The following GALNT10 variants were observed in gnomAD, a reference collection of about 807,000 sequenced individuals.
GALNT10 encodes the protein GalNAc transferase 10.
Under a neutral mutation model 75.0 loss-of-function variants are expected in GALNT10, and 41 were observed. The observed-to-expected ratio is 0.55, with a 90% CI of 0.43 to 0.71. GALNT10 has a LOEUF of 0.71. GALNT10 is among the 30% of genes least tolerant of loss of function. The probability of loss-of-function intolerance (pLI) is 0.00; values close to 1 mark genes in which losing one functional copy is unlikely to be tolerated. For synonymous variants in GALNT10, 302 were observed against 313.0 expected, an observed-to-expected ratio of 0.96 and a Z score of 0.37; for missense variants, 727 against 818.5, an observed-to-expected ratio of 0.89 and a Z score of 1.36.
intron 1 of GALNT10, among the ~76,000 whole-genome samples, chr5:154,207,029 G>A (rs915339002): frequency 1.3e-5 from 2 of 152,198 alleles, no homozygotes; most frequent in African/African-American, 4.8e-5. Flanking sequence ...CAGCCTTTGA[G>A]CTTAAGGAAT....
chr5:154,330,906 AGG>A lies in GALNT10; in HGVS notation c.568+1170_568+1171del, dbSNP rs1554099022. On this transcript the variant is annotated intron_variant, in intron 4 of 11. Coordinates refer to ENST00000297107, the MANE Select transcript of GALNT10 (RefSeq NM_198321.4). ...GTACAGAGGCCTCAGAGAGACAGAG[AGG>A]GTGTGTGTGTGTGTGTGTGTGTGTG... Among the ~76,000 whole-genome samples the A allele has an allele frequency of 2.7e-3, 232 of 87,418 alleles. 2 individuals carry two copies. The highest frequency in any genetic ancestry group is 2.6e-3 in the African/African-American group (36 of 13,688). 57.3% of individuals were successfully genotyped at this position (87,418 alleles called of 152,430 possible). A position where few individuals can be genotyped will look rare whatever the true frequency, so the allele number is the denominator to read the frequency against.
In GALNT10 at chr5:154,312,744, G is replaced by T. The variant is rs371587059; in HGVS notation, c.401+14665G>T. Among the ~76,000 whole-genome samples the T allele has an allele frequency of 1.5e-4, 23 of 152,226 alleles. No individual in the cohort carries two copies. In the East Asian group the frequency reaches 4.4e-3, roughly 29 times the overall value. On this transcript the variant is annotated intron_variant, in intron 3 of 11. Coordinates refer to ENST00000297107, the MANE Select transcript of GALNT10 (RefSeq NM_198321.4). ...TATTTCTTCTTTTCTCCTCTTTTAT[G>T]AATCATCAAGAAACTTGATATTAAA...
intron 1 of GALNT10, among the ~76,000 whole-genome samples, chr5:154,263,194 C>G (rs1753726487): frequency 6.6e-6 from 1 of 152,162 alleles, no homozygotes; most frequent in African/African-American, 2.4e-5. Context: ...AAAACTTGTA[C>G]ATGAGTGTTT....
At chr5:154,327,187 G>A (rs1359571702) in intron 3 of GALNT10, among the ~76,000 whole-genome samples, 1 of 151,444 alleles carries the variant, frequency 6.6e-6, no homozygotes, top group Non-Finnish European at 1.5e-5. Context: ...CTGCACTCCA[G>A]CCTGGGTGAC....
intron 7 of GALNT10, among the ~76,000 whole-genome samples, chr5:154,395,603 A>G (rs1009196726): frequency 5.9e-5 from 9 of 152,202 alleles, no homozygotes; most frequent in Non-Finnish European, 7.3e-5. Flanking sequence ...AGACAGGTCA[A>G]AAGGCCTTGG....
Position 154,417,250 on chromosome 5 carries a change from C to T in GALNT10, c.*278C>T. On this transcript the variant is annotated 3_prime_UTR_variant, in exon 12 of 12. Coordinates refer to ENST00000297107, the MANE Select transcript of GALNT10 (RefSeq NM_198321.4). Reference sequence around the variant, plus strand: ...TCACGGAAAAGCAACAGAGCCTTTTCAACTTTGTCACTATGTCCCCTTGAA... The same window carrying T: ...TCACGGAAAAGCAACAGAGCCTTTTTAACTTTGTCACTATGTCCCCTTGAA... The T allele has an allele frequency of 2.6e-6, 1 of 388,550 alleles. No individual in the cohort carries two copies. Among genetic ancestry groups the T allele is most frequent in the Non-Finnish European group, 4.7e-6 (1 of 212,778 alleles). The allele number at this position is 388,550 out of a possible 1,614,324, so 24.1% of individuals were successfully genotyped here. A position where few individuals can be genotyped will look rare whatever the true frequency, so the allele number is the denominator to read the frequency against.
Position 154,261,493 on chromosome 5 carries a change from A to C in GALNT10, c.160-33323A>C, listed in dbSNP as rs114799543. On this transcript the variant is annotated intron_variant, in intron 1 of 11. Transcript: ENST00000297107. ...GGACACTAAAGTGCATTCATTCCAC[A>C]GTTCTGTGTTTAGCACCAAACAAGG... Among the ~76,000 whole-genome samples, 309 of 152,304 alleles carry C rather than the reference A, an allele frequency of 2.0e-3. 1 individual carries two copies. The highest frequency in any genetic ancestry group is 7.0e-3 in the African/African-American group (290 of 41,564).
At chr5:154,331,368 A>T (rs1307239177) in intron 4 of GALNT10, among the ~76,000 whole-genome samples, 7 of 152,266 alleles carry the variant, frequency 4.6e-5, no homozygotes, top group African/African-American at 1.7e-4. Context: ...CTCATCCCAT[A>T]GTCCTGCTGT....
At chr5:154,275,557 A>G (rs1455766140) in intron 1 of GALNT10, among the ~76,000 whole-genome samples, 2 of 152,186 alleles carry the variant, frequency 1.3e-5, no homozygotes, top group Admixed American at 1.3e-4. Context: ...CATTTCTTCA[A>G]ATCTACAATT....
chr5:154,417,008 G>A lies in GALNT10; in HGVS notation c.*36G>A, dbSNP rs763044116. 1 of 1,599,182 alleles carries A rather than the reference G, an allele frequency of 6.3e-7. No individual in the cohort carries two copies. The highest frequency in any genetic ancestry group is 1.7e-5 in the Admixed American group (1 of 59,874). On this transcript the variant is annotated 3_prime_UTR_variant, in exon 12 of 12. Transcript: ENST00000297107. ...CCCCTTGGCAGGCCCCCCAGGGTCT[G>A]GCACTCACTGCAGACTTCCTCTTTC...
At chr5:154,278,384 A>G (rs537592529) in intron 1 of GALNT10, among the ~76,000 whole-genome samples, 1 of 152,346 alleles carries the variant, frequency 6.6e-6, no homozygotes, top group South Asian at 2.1e-4. Flanking sequence ...AACTTGTGAA[A>G]TGCTGGATTA....
At position 154,344,831 on chromosome 5, in the gene GALNT10, A is replaced by G. The variant is rs116498233; in HGVS notation, c.568+15093A>G. 7.4e-3 allele frequency among the ~76,000 whole-genome samples: 1,134 copies of G among 152,318 alleles called. 14 individuals are homozygous for G. The highest frequency in any genetic ancestry group is 0.024 in the African/African-American group (988 of 41,562). The stretch of plus-strand genomic sequence containing the variant: ...ACCCAACCTGTACATTTTAGAGATG[A>G]GAATATACATTTAGGGACTTCCTAA... On this transcript the variant is annotated intron_variant, in intron 4 of 11. Coordinates refer to ENST00000297107, the MANE Select transcript of GALNT10 (RefSeq NM_198321.4).
In GALNT10 at chr5:154,273,327, A is replaced by G. The variant is rs1753899024; in HGVS notation, c.160-21489A>G. 2.0e-5 allele frequency among the ~76,000 whole-genome samples: 3 copies of G among 152,286 alleles called. No individual in the cohort carries two copies. In the South Asian group the frequency reaches 6.2e-4, roughly 32 times the overall value. ...CTGATTCTGGTGGTTTCTCCACCATATGAAACAAAGATCGTGGAGAAATAA... is the reference window on the plus strand; with the variant it reads ...CTGATTCTGGTGGTTTCTCCACCATGTGAAACAAAGATCGTGGAGAAATAA... On this transcript the variant is annotated intron_variant, in intron 1 of 11. Transcript: ENST00000297107.
intron 1 of GALNT10, among the ~76,000 whole-genome samples, chr5:154,237,573 C>T (rs1753265663): frequency 6.6e-6 from 1 of 152,204 alleles, no homozygotes; most frequent in South Asian, 2.1e-4. Context: ...TGCTTTGTTT[C>T]TCCAATTGGG....
intron 1 of GALNT10, among the ~76,000 whole-genome samples, chr5:154,231,733 C>G (rs534768385): frequency 6.6e-5 from 10 of 152,268 alleles, no homozygotes; most frequent in African/African-American, 2.4e-4. Flanking sequence ...ATCTCAAGGC[C>G]ATACATGTTT....
At chr5:154,338,174 T>C (rs1754972218) in intron 4 of GALNT10, 1 of 781,520 alleles carries the variant, frequency 1.3e-6, no homozygotes, top group Non-Finnish European at 2.3e-6. Context: ...TCTCTTTGGT[T>C]CTGCAACTCT....
In GALNT10 at chr5:154,419,101, G is replaced by A. The variant is rs1292072939; in HGVS notation, c.*2129G>A. ...TTGTGGGGAGGGGAACGTTTTTGGTGGTGTGTGCAGTTCCTACTGGATGAG... is the reference window on the plus strand; with the variant it reads ...TTGTGGGGAGGGGAACGTTTTTGGTAGTGTGTGCAGTTCCTACTGGATGAG... On this transcript the variant is annotated 3_prime_UTR_variant, in exon 12 of 12. Transcript: ENST00000297107. 1 of 152,048 alleles carries A rather than the reference G, an allele frequency of 6.6e-6. No individual in the cohort carries two copies. Among genetic ancestry groups the A allele is most frequent in the African/African-American group, 2.4e-5 (1 of 41,232 alleles). 9.4% of individuals were successfully genotyped at this position (152,048 alleles called of 1,614,324 possible).
chr5:154,265,499 A>C (rs1753763682), intron 1 of GALNT10, among the ~76,000 whole-genome samples: 1 of 152,236 alleles, frequency 6.6e-6, no homozygotes, highest in Non-Finnish European at 1.5e-5. Flanking sequence ...TTCAATGTGC[A>C]GATTTGCTAT....
intron 5 of GALNT10, among the ~76,000 whole-genome samples, chr5:154,377,529 A>C (rs1423407609): frequency 6.6e-6 from 1 of 152,202 alleles, no homozygotes; most frequent in Non-Finnish European, 1.5e-5. Context: ...CCCGGGGTGG[A>C]GCCTCACAAG....
Sources: gnomAD v4.1 joint callset for allele counts (sites outside exome capture counted in the v4.1 genomes callset) on GRCh38, gnomAD v4.1.1 for gene constraint, MANE v1.5 for transcripts, NCBI Gene and HGNC (gene_info 2026-07-23, HGNC 2026-07-21) for gene names.